Variants in MCC observed in about 807,000 individuals in gnomAD.
MCC encodes the protein colorectal mutant cancer protein.
In MCC, 90 loss-of-function variants were observed where a neutral mutation model predicts 116.2. The ratio of observed to expected loss-of-function variants is 0.77; its 90% CI spans 0.65 to 0.92. The LOEUF is 0.92. Ranked by LOEUF, MCC falls within the 40% of genes least tolerant of loss-of-function variation. The probability of loss-of-function intolerance (pLI) is 0.00; values close to 1 mark genes in which losing one functional copy is unlikely to be tolerated. For missense variants in MCC, 1,516 were observed against 1,312.2 expected (o/e 1.16, Z -2.40); for synonymous variants, 578 against 510.5 (o/e 1.13, Z -1.78).
At chr5:113,072,603 T>C (rs910707247) in intron 11 of MCC, among the ~76,000 whole-genome samples, 9 of 152,226 alleles carry the variant, frequency 5.9e-5, no homozygotes, top group Non-Finnish European at 7.3e-5. Context: ...GGGTCTCTGC[T>C]GGTTTTCTTC....
chr5:113,338,421 A>G (rs1767923076), intron 3 of MCC, among the ~76,000 whole-genome samples: 1 of 152,294 alleles, frequency 6.6e-6, no homozygotes, highest in African/African-American at 2.4e-5. Context: ...GCCTCCAATC[A>G]GGAGAGACAG....
chr5:113,258,749 G>A (rs1032134062), intron 3 of MCC, among the ~76,000 whole-genome samples: 1 of 152,198 alleles, frequency 6.6e-6, no homozygotes, highest in Non-Finnish European at 1.5e-5. Context: ...CATCATTATG[G>A]CTTATGCTTT....
intron 3 of MCC, among the ~76,000 whole-genome samples, chr5:113,165,432 T>C (rs1472487059): frequency 6.6e-6 from 1 of 152,214 alleles, no homozygotes; most frequent in East Asian, 1.9e-4. Flanking sequence ...AACTGACTTA[T>C]TCCTTTTTTG....
intron 1 of MCC, among the ~76,000 whole-genome samples, chr5:113,466,488 C>T (rs948773746): frequency 3.3e-5 from 5 of 152,034 alleles, no homozygotes; most frequent in African/African-American, 1.2e-4. Flanking sequence ...CCAGTTTCAT[C>T]CATGTCCCTA....
chr5:113,230,690 A>T (rs147188713), intron 3 of MCC, among the ~76,000 whole-genome samples: 63 of 152,334 alleles, frequency 4.1e-4, no homozygotes, highest in Non-Finnish European at 2.1e-4. Flanking sequence ...GATACAAGTT[A>T]ATGTACTATT....
intron 3 of MCC, among the ~76,000 whole-genome samples, chr5:113,301,608 T>C (rs1766863593): frequency 6.6e-6 from 1 of 152,154 alleles, no homozygotes; most frequent in Admixed American, 6.5e-5. Flanking sequence ...AGTAGGCCCC[T>C]TAAGTGAACA....
At chr5:113,100,359 G>A (rs1007229385) in intron 8 of MCC, among the ~76,000 whole-genome samples, 5 of 151,616 alleles carry the variant, frequency 3.3e-5, no homozygotes, top group Non-Finnish European at 2.9e-5. Context: ...CACATCCTGA[G>A]CTCGTTGAAG....
At chr5:113,415,358 A>G (rs1194166344) in intron 1 of MCC, among the ~76,000 whole-genome samples, 1 of 152,124 alleles carries the variant, frequency 6.6e-6, no homozygotes, top group African/African-American at 2.4e-5. Flanking sequence ...ATCCTGAAGA[A>G]TGTTTTCCAA....
At chr5:113,371,417 C>A (rs531321455) in intron 2 of MCC, among the ~76,000 whole-genome samples, 3 of 152,066 alleles carry the variant, frequency 2.0e-5, no homozygotes, top group African/African-American at 7.2e-5. Flanking sequence ...TCTTGTAATT[C>A]AAGGGCAAAA....
Position 113,077,517 on chromosome 5 carries a change from T to TC in MCC, c.1784+5342_1784+5343insG, listed in dbSNP as rs1754540976. 3.3e-5 allele frequency among the ~76,000 whole-genome samples: 5 copies of TC among 152,150 alleles called. No homozygotes were observed. The South Asian group carries it at 1.0e-3, about 32-fold the overall frequency. On this transcript the variant is annotated intron_variant, in intron 11 of 18. Transcript: ENST00000408903. Reference sequence around the variant, plus strand: ...ATTAAGAAACTCACTCAAAACTGCATAACTACATGGAAACTGAACAACCTG... The same window carrying TC: ...ATTAAGAAACTCACTCAAAACTGCATCAACTACATGGAAACTGAACAACCTG...
At chr5:113,372,294 T>C (rs1162020315) in intron 2 of MCC, among the ~76,000 whole-genome samples, 3 of 152,198 alleles carry the variant, frequency 2.0e-5, no homozygotes, top group African/African-American at 7.2e-5. Flanking sequence ...CACCAAATAG[T>C]GTGAAACACA....
intron 1 of MCC, chr5:113,433,341 C>A (rs2150411939): frequency 5.3e-6 from 2 of 376,706 alleles, no homozygotes; most frequent in Middle Eastern, 4.7e-4. Flanking sequence ...CAGGGTCACG[C>A]AACTGCCCCG....
intron 17 of MCC, among the ~76,000 whole-genome samples, chr5:113,030,971 T>A (rs79542953): frequency 2.0e-5 from 3 of 152,310 alleles, no homozygotes; most frequent in Non-Finnish European, 4.4e-5. Flanking sequence ...AGGAACGGCA[T>A]GGGAATGTGA....
chr5:113,440,366 AG>A (rs776259779), intron 1 of MCC, among the ~76,000 whole-genome samples: 53 of 152,100 alleles, frequency 3.5e-4, no homozygotes, highest in Non-Finnish European at 6.9e-4. Context: ...ACTCTACTTC[AG>A]TTACACCCTC....
intron 5 of MCC, 100 bp downstream of exon 5, chr5:113,143,118 A>T: frequency 7.7e-7 from 1 of 1,290,436 alleles, no homozygotes; most frequent in Non-Finnish European, 1.0e-6. Flanking sequence ...TCTACAAACT[A>T]GAACTTCGGT....
At chr5:113,151,729 T>C (rs1259161482) in intron 3 of MCC, among the ~76,000 whole-genome samples, 1 of 152,166 alleles carries the variant, frequency 6.6e-6, no homozygotes, top group Admixed American at 6.5e-5. Flanking sequence ...TCAGTGAGGA[T>C]GAGCCTGACA....
chr5:113,054,475 C>T (rs1265787065), intron 14 of MCC, among the ~76,000 whole-genome samples: 1 of 152,246 alleles, frequency 6.6e-6, no homozygotes, highest in African/African-American at 2.4e-5. Flanking sequence ...AAGCACAAAA[C>T]TCCTATGGCA....
chr5:113,080,187 A>G (rs1355456525), intron 11 of MCC, among the ~76,000 whole-genome samples: 2 of 152,218 alleles, frequency 1.3e-5, no homozygotes, highest in Non-Finnish European at 2.9e-5. Flanking sequence ...AAACAGGAAC[A>G]CTTTTACACT....
intron 1 of MCC, among the ~76,000 whole-genome samples, chr5:113,470,938 CA>C (rs1772071356): frequency 6.6e-6 from 1 of 152,126 alleles, no homozygotes; most frequent in African/African-American, 2.4e-5. Flanking sequence ...TTTCGTCTTC[CA>C]TCACTGATAC....
Sources: gnomAD v4.1 joint callset for allele counts (sites outside exome capture counted in the v4.1 genomes callset) on GRCh38, gnomAD v4.1.1 for gene constraint, MANE v1.5 for transcripts, NCBI Gene and HGNC (gene_info 2026-07-23, HGNC 2026-07-21) for gene names.